The following SLC13A5 variants were observed in gnomAD, a reference collection of about 807,000 sequenced individuals.
SLC13A5 encodes the protein Na(+)/citrate cotransporter.
In SLC13A5, 25 loss-of-function variants were observed where a neutral mutation model predicts 56.5. That is an observed-to-expected ratio of 0.44 (90% CI 0.32 to 0.62). The LOEUF is 0.62. SLC13A5 is among the 20% of genes least tolerant of loss of function. SLC13A5 has a pLI of 0.04. For missense variants in SLC13A5, 649 were observed against 737.8 expected (o/e 0.88, Z 1.39); for synonymous variants, 307 against 301.5 (o/e 1.02, Z -0.19).
In SLC13A5 at chr17:6,701,252, A is replaced by G. The variant is rs1348987996; in HGVS notation, c.717-126T>C. 1 of 1,331,836 alleles carries G rather than the reference A, an allele frequency of 7.5e-7. No homozygotes were observed. Among genetic ancestry groups the G allele is most frequent in the Non-Finnish European group, 1.0e-6 (1 of 980,254 alleles). 82.5% of individuals were successfully genotyped at this position (1,331,836 alleles called of 1,614,324 possible). A position where few individuals can be genotyped will look rare whatever the true frequency, so the allele number is the denominator to read the frequency against. ...CCTGTGTGGAGGCCACATCCTCCTG[A>G]GGTCTAGCCACCAAGTCCATTGCCA... On this transcript the variant is annotated intron_variant, in intron 5 of 11. Coordinates refer to ENST00000433363, the MANE Select transcript of SLC13A5 (RefSeq NM_177550.5). The surrounding 1 kb of genome is among the most constrained non-coding windows in gnomAD (Gnocchi z 4.1).
In SLC13A5 at chr17:6,701,999, G is replaced by T. The variant is rs747867146; in HGVS notation, c.717-873C>A. Among the ~76,000 whole-genome samples the T allele has an allele frequency of 6.6e-6, 1 of 152,114 alleles. No homozygotes were observed. Among genetic ancestry groups the T allele is most frequent in the Non-Finnish European group, 1.5e-5 (1 of 68,012 alleles). Reference sequence around the variant, plus strand: ...GAGCTTTCCCCACTCAGCCCAGACGGGCTGCTCTTCCCAAAGAAAGTTACT... The same window carrying T: ...GAGCTTTCCCCACTCAGCCCAGACGTGCTGCTCTTCCCAAAGAAAGTTACT... On this transcript the variant is annotated intron_variant, in intron 5 of 11. Coordinates refer to ENST00000433363, the MANE Select transcript of SLC13A5 (RefSeq NM_177550.5). The surrounding 1 kb of genome is among the most constrained non-coding windows in gnomAD (Gnocchi z 4.1).
intron 1 of SLC13A5, among the ~76,000 whole-genome samples, chr17:6,709,244 CTTAT>C (rs60433016): frequency 0.21 from 31,455 of 150,886 alleles, 3,626 homozygotes; most frequent in East Asian, 0.34. Flanking sequence ...CAAATTCTTG[CTTAT>C]TTATTTATTT....
rs765102321 is a variant in SLC13A5, at chr17:6,706,884, G to T, written c.232-106C>A. 5.9e-5 allele frequency: 93 copies of T among 1,563,130 alleles called. No individual in the cohort carries two copies. In the Middle Eastern group the frequency reaches 6.8e-4, roughly 11 times the overall value. ...GGGACAGCTTGGAGTGGGGATGCAG[G>T]CTCGAGTGGTGTCTCCCTGCCAGGG... On this transcript the variant is annotated intron_variant, in intron 2 of 11. Coordinates refer to ENST00000433363, the MANE Select transcript of SLC13A5 (RefSeq NM_177550.5).
At chr17:6,691,032 C>A in intron 9 of SLC13A5, 92 bp from the exon 10 acceptor site, 4 of 1,404,846 alleles carry the variant, frequency 2.8e-6, no homozygotes, top group Non-Finnish European at 3.8e-6. Context: ...CCCCTCCCGA[C>A]CCTCTCTCTC....
chr17:6,703,843 G>C, intron 4 of SLC13A5, 35 bp downstream of exon 4: 1 of 1,503,642 alleles, frequency 6.7e-7, no homozygotes, highest in African/African-American at 1.4e-5. Flanking sequence ...GAAGGCTGCT[G>C]TTGTGGCCTG....
At chr17:6,700,500 C>G (rs148902289) in intron 6 of SLC13A5, among the ~76,000 whole-genome samples, 1 of 152,222 alleles carries the variant, frequency 6.6e-6, no homozygotes. Context: ...TGGACCCACA[C>G]GGCAAAGAGG....
In SLC13A5 at chr17:6,694,155, C is replaced by G. The variant is rs1355898652; in HGVS notation, c.1098G>C (p.Leu366=). 6.2e-7 allele frequency: 1 copy of G among 1,613,616 alleles called. No individual in the cohort carries two copies. The highest frequency in any genetic ancestry group is 8.5e-7 in the Non-Finnish European group (1 of 1,179,792). ...DATVAIFVAT[L]LFIVPSQKPK... ...GCTTCTGTGAAGGCACAATGAATAG[C>G]AGGGTGGCCACAAAGATGGCCACAG... Residue 366 remains leucine (L), a synonymous_variant, in exon 8 of 12, where the codon CTG becomes CTC. Coordinates refer to ENST00000433363, the MANE Select transcript of SLC13A5 (RefSeq NM_177550.5).
In SLC13A5 at chr17:6,701,215, C is replaced by G; in HGVS notation, c.717-89G>C. Reference sequence around the variant, plus strand: ...GTGGGGACGGAGCAGCAGCTGGGCCCTGAGAGGCGCGCCTGTGTGGAGGCC... The same window carrying G: ...GTGGGGACGGAGCAGCAGCTGGGCCGTGAGAGGCGCGCCTGTGTGGAGGCC... On this transcript the variant is annotated intron_variant, in intron 5 of 11. Transcript: ENST00000433363. The surrounding 1 kb of genome is among the most constrained non-coding windows in gnomAD (Gnocchi z 4.1). The G allele has an allele frequency of 1.3e-6, 2 of 1,550,096 alleles. No homozygotes were observed. The highest frequency in any genetic ancestry group is 3.8e-5 in the Admixed American group (2 of 53,298).
Position 6,696,915 on chromosome 17 carries a change from T to C in SLC13A5, c.840-974A>G, listed in dbSNP as rs867284471. Among the ~76,000 whole-genome samples, 7 of 151,734 alleles carry C rather than the reference T, an allele frequency of 4.6e-5. No individual in the cohort carries two copies. The Middle Eastern group carries it at 0.01, about 221-fold the overall frequency. On this transcript the variant is annotated intron_variant, in intron 6 of 11. Transcript: ENST00000433363. ...GCTGGATGTGAACAGCCTTGGAGAGTGTGAGGGCCAAGTGTTGGTGTGATG... is the reference window on the plus strand; with the variant it reads ...GCTGGATGTGAACAGCCTTGGAGAGCGTGAGGGCCAAGTGTTGGTGTGATG...
chr17:6,699,656 A>G (rs1285842838), intron 6 of SLC13A5, among the ~76,000 whole-genome samples: 3 of 152,124 alleles, frequency 2.0e-5, no homozygotes, highest in Admixed American at 6.6e-5. Flanking sequence ...TTTTTAGTAG[A>G]GATGGGGTTT....
chr17:6,688,311 A>T (rs1243935539), intron 10 of SLC13A5: 1 of 152,252 alleles, frequency 6.6e-6, no homozygotes, highest in South Asian at 2.1e-4. Context: ...AAAACACAGG[A>T]AGCCAACTCA....
At chr17:6,710,038 A>T (rs933863874) in intron 1 of SLC13A5, among the ~76,000 whole-genome samples, 1 of 152,226 alleles carries the variant, frequency 6.6e-6, no homozygotes, top group African/African-American at 2.4e-5. Context: ...GCTGGTTGAC[A>T]GCCGCTGAAC....
At chr17:6,695,044 G>A (rs1973520416) in intron 7 of SLC13A5, among the ~76,000 whole-genome samples, 1 of 152,160 alleles carries the variant, frequency 6.6e-6, no homozygotes, top group South Asian at 2.1e-4. Context: ...GTGAAGATGA[G>A]AAAGGGAAGA....
At chr17:6,704,575 TGGG>T in intron 3 of SLC13A5, 1 of 255,544 alleles carries the variant, frequency 3.9e-6, no homozygotes, top group South Asian at 4.8e-5. Context: ...GGAGGGAGCT[TGGG>T]AAAGTGTGAC....
Position 6,698,972 on chromosome 17 carries a change from G to A in SLC13A5, c.839+2032C>T, listed in dbSNP as rs569526594. Among the ~76,000 whole-genome samples the A allele has an allele frequency of 1.3e-4, 20 of 151,428 alleles. No homozygotes were observed. In the East Asian group the frequency reaches 3.1e-3, roughly 23 times the overall value. On this transcript the variant is annotated intron_variant, in intron 6 of 11. Coordinates refer to ENST00000433363, the MANE Select transcript of SLC13A5 (RefSeq NM_177550.5). ...CAGGGGGAATTGCTTGAACCCAGGT[G>A]GTGGAGGTTGCAGCGAGCCGAGATC...
intron 6 of SLC13A5, among the ~76,000 whole-genome samples, chr17:6,699,502 G>A (rs1421026086): frequency 6.6e-6 from 1 of 151,964 alleles, no homozygotes; most frequent in Non-Finnish European, 1.5e-5. Context: ...ACAGAGTCTT[G>A]CTCTGTCGCC....
rs187474415 is a variant in SLC13A5, at chr17:6,693,310, T to A, written c.1157-148A>T. The A allele has an allele frequency of 6.5e-4, 382 of 590,674 alleles. 2 individuals carry two copies. The highest frequency in any genetic ancestry group is 4.5e-3 in the African/African-American group (237 of 53,134). The allele number at this position is 590,674 out of a possible 1,614,324, so 36.6% of individuals were successfully genotyped here. A position where few individuals can be genotyped will look rare whatever the true frequency, so the allele number is the denominator to read the frequency against. On this transcript the variant is annotated intron_variant, in intron 8 of 11. Coordinates refer to ENST00000433363, the MANE Select transcript of SLC13A5 (RefSeq NM_177550.5). ...AGGACAATGAGGTACCATCTCCTAC[T>A]TATAAATTAGCTAAAGTTTACAATA...
At position 6,713,038 on chromosome 17, in the gene SLC13A5, G is replaced by A. The variant is rs1049286482; in HGVS notation, c.102+194C>T. Among the ~76,000 whole-genome samples the A allele has an allele frequency of 3.2e-4, 49 of 152,166 alleles. No homozygotes were observed. The highest frequency in any genetic ancestry group is 1.1e-3 in the African/African-American group (47 of 41,448). The stretch of plus-strand genomic sequence containing the variant: ...GTAAACCCCAAGGGTGGTGCGCCCT[G>A]GGGTCGCCATGCCCCTCAGATTCTT... On this transcript the variant is annotated intron_variant, in intron 1 of 11. Transcript: ENST00000433363. The surrounding 1 kb of genome is among the most constrained non-coding windows in gnomAD (Gnocchi z 7.3).
At chr17:6,689,216 C>G (rs1301183442) in intron 10 of SLC13A5, 1 of 152,202 alleles carries the variant, frequency 6.6e-6, no homozygotes, top group Non-Finnish European at 1.5e-5. Context: ...CTGCGCAAGT[C>G]CCACGCCCCC....
Sources: gnomAD v4.1 joint callset for allele counts (sites outside exome capture counted in the v4.1 genomes callset) on GRCh38, gnomAD v4.1.1 for gene constraint, Gnocchi (gnomAD v3.1) non-coding constraint, MANE v1.5 for transcripts, NCBI Gene and HGNC (gene_info 2026-07-23, HGNC 2026-07-21) for gene names.